The following UGT1A8 variants were observed in gnomAD, a reference collection of about 807,000 sequenced individuals.
The protein encoded by UGT1A8 is UDP-glucuronosyltransferase 1A8.
Under a neutral mutation model 45.3 loss-of-function variants are expected in UGT1A8, and 39 were observed. The observed-to-expected ratio is 0.86, with a 90% CI of 0.67 to 1.12. UGT1A8 has a LOEUF of 1.12. UGT1A8 is among the 50% of genes most tolerant of loss of function. The pLI, the probability that UGT1A8 is intolerant of heterozygous loss-of-function variation, is 0.00. For synonymous variants in UGT1A8, 275 were observed against 249.2 expected, an observed-to-expected ratio of 1.10 and a Z score of -0.97; for missense variants, 719 against 664.9, an observed-to-expected ratio of 1.08 and a Z score of -0.90.
chr2:233,691,470 G>A (rs12474980), intron 1 of UGT1A8: 213,736 of 985,588 alleles, frequency 0.22, 23,726 homozygotes, highest in Non-Finnish European at 0.23. Context: ...GAACACCTCC[G>A]GTGCCAAACT....
At chr2:233,627,404 T>G (rs566742085) in intron 1 of UGT1A8, among the ~76,000 whole-genome samples, 1 of 152,202 alleles carries the variant, frequency 6.6e-6, no homozygotes, top group South Asian at 2.1e-4. Context: ...TTTTAGATTC[T>G]TCACCTCTCT....
chr2:233,702,349 GT>G (rs545005076), intron 1 of UGT1A8, among the ~76,000 whole-genome samples: 17 of 151,212 alleles, frequency 1.1e-4, no homozygotes, highest in Middle Eastern at 3.4e-3. Flanking sequence ...TGTTCTAATA[GT>G]TTTTTTTTAG....
At chr2:233,690,827 G>A in intron 1 of UGT1A8, 1 of 1,065,762 alleles carries the variant, frequency 9.4e-7, no homozygotes, top group Non-Finnish European at 1.1e-6. Context: ...AAAGCTCACA[G>A]GAGAAAGAAA....
At chr2:233,743,532 G>T in intron 1 of UGT1A8, 1 of 1,367,232 alleles carries the variant, frequency 7.3e-7, no homozygotes, top group South Asian at 1.1e-5. Context: ...TTCCCCAGCA[G>T]TTCCTCTGAC....
chr2:233,707,436 T>G (rs186781639), intron 1 of UGT1A8, among the ~76,000 whole-genome samples: 70 of 152,298 alleles, frequency 4.6e-4, no homozygotes, highest in Non-Finnish European at 8.1e-4. Context: ...TGCTTTTCTT[T>G]ACAATTTTGC....
At chr2:233,642,517 G>A (rs2073477833) in intron 1 of UGT1A8, among the ~76,000 whole-genome samples, 1 of 152,178 alleles carries the variant, frequency 6.6e-6, no homozygotes, top group African/African-American at 2.4e-5. Flanking sequence ...GTTAGTCCCT[G>A]GCACCTTATT....
At chr2:233,620,365 T>G (rs1470960854) in intron 1 of UGT1A8, among the ~76,000 whole-genome samples, 1 of 152,210 alleles carries the variant, frequency 6.6e-6, no homozygotes, top group African/African-American at 2.4e-5. Flanking sequence ...ACCCATGTGT[T>G]GCCTGCACCC....
chr2:233,752,828 G>A (rs1490866315), intron 1 of UGT1A8, among the ~76,000 whole-genome samples: 1 of 152,172 alleles, frequency 6.6e-6, no homozygotes, highest in Non-Finnish European at 1.5e-5. Context: ...TATGACATCA[G>A]TAATCTAGGA....
At chr2:233,634,997 G>A (rs2073254122) in intron 1 of UGT1A8, among the ~76,000 whole-genome samples, 2 of 150,716 alleles carry the variant, frequency 1.3e-5, no homozygotes. Flanking sequence ...GGCAGGCCTG[G>A]TGGTGACAAA....
At chr2:233,644,767 A>C (rs2073555344) in intron 1 of UGT1A8, among the ~76,000 whole-genome samples, 1 of 152,058 alleles carries the variant, frequency 6.6e-6, no homozygotes, top group Non-Finnish European at 1.5e-5. Context: ...TAGGAGATGC[A>C]GAACTTTTTT....
At chr2:233,696,958 A>G (rs1196242717) in intron 1 of UGT1A8, among the ~76,000 whole-genome samples, 2 of 152,210 alleles carry the variant, frequency 1.3e-5, no homozygotes, top group East Asian at 1.9e-4. Flanking sequence ...TCTTTTTAAC[A>G]TATTATTGGA....
At chr2:233,744,237 T>A (rs1220461600) in intron 1 of UGT1A8, among the ~76,000 whole-genome samples, 1 of 151,784 alleles carries the variant, frequency 6.6e-6, no homozygotes, top group African/African-American at 2.4e-5. Context: ...GGGCCTTGAC[T>A]TTGGCTGCCT....
chr2:233,625,988 T>G (rs948415635), intron 1 of UGT1A8, among the ~76,000 whole-genome samples: 1 of 152,002 alleles, frequency 6.6e-6, no homozygotes, highest in African/African-American at 2.4e-5. Context: ...ATCCTCATCA[T>G]CTTCCATTGA....
intron 1 of UGT1A8, among the ~76,000 whole-genome samples, chr2:233,717,359 G>A (rs1445197298): frequency 6.6e-6 from 1 of 152,216 alleles, no homozygotes; most frequent in Non-Finnish European, 1.5e-5. Flanking sequence ...CCCCTGGGGA[G>A]TTCTCAAGCC....
chr2:233,632,058 G>A (rs1575387466), intron 1 of UGT1A8, among the ~76,000 whole-genome samples: 1 of 152,154 alleles, frequency 6.6e-6, no homozygotes, highest in Admixed American at 6.5e-5. Flanking sequence ...CATATGGCTA[G>A]CCAGTTTTCC....
At chr2:233,655,237 T>C (rs2073831221) in intron 1 of UGT1A8, among the ~76,000 whole-genome samples, 1 of 152,214 alleles carries the variant, frequency 6.6e-6, no homozygotes, top group Non-Finnish European at 1.5e-5. Context: ...CAAAGTCTAT[T>C]ATCAGCTACC....
chr2:233,676,092 G>T (rs1662072406), intron 1 of UGT1A8, among the ~76,000 whole-genome samples: 1 of 152,136 alleles, frequency 6.6e-6, no homozygotes. Flanking sequence ...CATTCAAATG[G>T]GAAAGAATAG....
chr2:233,666,854 G>A (rs1349747009), intron 1 of UGT1A8, among the ~76,000 whole-genome samples: 1 of 141,704 alleles, frequency 7.1e-6, no homozygotes, highest in African/African-American at 2.7e-5. Flanking sequence ...CTGTGTCCAT[G>A]TGTTCTCATT....
chr2:233,718,699 T>C (rs1301211854), intron 1 of UGT1A8: 6 of 1,598,044 alleles, frequency 3.8e-6, no homozygotes, highest in South Asian at 1.1e-5. Context: ...GGAGGGCACT[T>C]TGTCTTCCAA....
Sources: gnomAD v4.1 joint callset for allele counts (sites outside exome capture counted in the v4.1 genomes callset) on GRCh38, gnomAD v4.1.1 for gene constraint, MANE v1.5 for transcripts, NCBI Gene and HGNC (gene_info 2026-07-23, HGNC 2026-07-21) for gene names.